ZFAT: variants seen among roughly 807,000 people sequenced by gnomAD.
ZFAT encodes the protein zinc finger protein ZFAT.
A neutral mutation model predicts 117.7 loss-of-function variants in ZFAT; 64 were observed. The observed-to-expected ratio is 0.54, with a 90% confidence interval of 0.44 to 0.67. ZFAT has a LOEUF of 0.67. Among genes scored for constraint, ZFAT ranks in the 30% least tolerant of loss-of-function variants. The pLI is 0.00. For missense variants in ZFAT, 1,433 were observed against 1,584.5 expected (o/e 0.90, Z 1.62); for synonymous variants, 679 against 615.0 (o/e 1.10, Z -1.54).
chr8:134,752,704 G>A, the ZFAT span, among the ~76,000 whole-genome samples: 3 of 152,260 alleles, frequency 2.0e-5, no homozygotes, highest in East Asian at 5.8e-4. Context: ...GATGTCTGGT[G>A]AGAACTCACT....
intron 3 of ZFAT, among the ~76,000 whole-genome samples, chr8:134,621,727 G>A (rs1222807419): frequency 6.6e-6 from 1 of 152,106 alleles, no homozygotes; most frequent in African/African-American, 2.4e-5. Context: ...AAGTGAATGA[G>A]CTCCCTGCCA....
At chr8:134,559,727 G>A (rs1475365441) in intron 11 of ZFAT, among the ~76,000 whole-genome samples, 1 of 152,140 alleles carries the variant, frequency 6.6e-6, no homozygotes, top group African/African-American at 2.4e-5. Context: ...AATCTGATAA[G>A]TGAAAAATGG....
chr8:134,590,703 C>T (rs997967519), intron 7 of ZFAT, among the ~76,000 whole-genome samples: 11 of 120,946 alleles, frequency 9.1e-5, no homozygotes, highest in South Asian at 3.3e-4. Context: ...AACAACACCA[C>T]GACCACCATC....
chr8:134,533,052 C>G, intron 11 of ZFAT, 80 bp from the exon 12 acceptor site: 2 of 1,526,488 alleles, frequency 1.3e-6, no homozygotes, highest in Non-Finnish European at 1.8e-6. Flanking sequence ...TGGTGAGCAT[C>G]TGACACCCTG....
chr8:134,702,929 C>T (rs568043710), intron 1 of ZFAT, among the ~76,000 whole-genome samples: 28 of 152,302 alleles, frequency 1.8e-4, no homozygotes, highest in African/African-American at 6.5e-4. Flanking sequence ...CCTCGGCCTC[C>T]CAAAGTGCTG....
chr8:134,776,450 G>A, the ZFAT span, among the ~76,000 whole-genome samples: 8 of 152,062 alleles, frequency 5.3e-5, no homozygotes, highest in South Asian at 2.1e-4. Flanking sequence ...CCACAGGCAC[G>A]CACCACCACA....
rs10680896 is a variant in ZFAT at position 134,550,310 on chromosome 8, G to GAAAAAAAAAAAAAAA, written c.2976+15008_2976+15022dup. 1.2e-3 allele frequency among the ~76,000 whole-genome samples: 88 copies of GAAAAAAAAAAAAAAA among 72,526 alleles called. 2 individuals are homozygous for GAAAAAAAAAAAAAAA. The highest frequency in any genetic ancestry group is 2.0e-3 in the South Asian group (3 of 1,532). 47.6% of individuals were successfully genotyped at this position (72,526 alleles called of 152,430 possible). A position where few individuals can be genotyped will look rare whatever the true frequency, so the allele number is the denominator to read the frequency against. ...ATTCCATCCAGGGTTGGTCACAACG[G>GAAAAAAAAAAAAAAA]AAAAAAAAAAAAAAAAAAAAAACAG... On this transcript the variant is annotated intron_variant, in intron 11 of 15. Coordinates refer to ENST00000377838, the MANE Select transcript of ZFAT (RefSeq NM_020863.4).
chr8:134,724,918 A>C, the ZFAT span, among the ~76,000 whole-genome samples: 1 of 152,164 alleles, frequency 6.6e-6, no homozygotes, highest in Non-Finnish European at 1.5e-5. Context: ...AGTCCTTGGC[A>C]ACCAAGCTCA....
the ZFAT span, among the ~76,000 whole-genome samples, chr8:134,810,196 C>T: frequency 7.2e-4 from 110 of 152,242 alleles, no homozygotes; most frequent in Non-Finnish European, 1.2e-3. Flanking sequence ...ACTATATAAA[C>T]GCAACCTACG....
At chr8:134,503,367 C>T (rs1392211598) in intron 15 of ZFAT, among the ~76,000 whole-genome samples, 1 of 152,238 alleles carries the variant, frequency 6.6e-6, no homozygotes, top group Non-Finnish European at 1.5e-5. Flanking sequence ...ACCATGAAAT[C>T]TGTCCACCAA....
intron 2 of ZFAT, among the ~76,000 whole-genome samples, chr8:134,654,300 CA>C (rs543431999): frequency 0.039 from 5,413 of 140,116 alleles, 153 homozygotes; most frequent in African/African-American, 0.081. Context: ...TTGTCAAAGT[CA>C]AAAAAAAAAA....
chr8:134,678,885 T>C lies in ZFAT; in HGVS notation c.20-21148A>G, dbSNP rs917712362. Among the ~76,000 whole-genome samples the C allele has an allele frequency of 2.0e-5, 3 of 152,186 alleles. No homozygotes were observed. In the East Asian group the frequency reaches 5.8e-4, roughly 29 times the overall value. On this transcript the variant is annotated intron_variant, in intron 1 of 15. Transcript: ENST00000377838. ...TGGTGCTGGGAAAACTGGCTAGCCATATGCAGAAAGCTGAAACTGGATCCC... is the reference window on the plus strand; with the variant it reads ...TGGTGCTGGGAAAACTGGCTAGCCACATGCAGAAAGCTGAAACTGGATCCC...
chr8:134,624,641 G>C (rs186733454), intron 3 of ZFAT, among the ~76,000 whole-genome samples: 134 of 151,960 alleles, frequency 8.8e-4, no homozygotes, highest in Admixed American at 1.9e-3. Flanking sequence ...TGGGCAACAA[G>C]AGCAAAACTC....
the ZFAT span, among the ~76,000 whole-genome samples, chr8:134,823,705 A>G: frequency 3.3e-5 from 5 of 152,242 alleles, no homozygotes; most frequent in African/African-American, 1.2e-4. Context: ...TTAATCGCAT[A>G]TGAAATATTA....
the ZFAT span, among the ~76,000 whole-genome samples, chr8:134,721,340 C>A: frequency 6.6e-6 from 1 of 152,222 alleles, no homozygotes; most frequent in Non-Finnish European, 1.5e-5. Context: ...AACTGCTGCA[C>A]CTGCCAGCCT....
intron 2 of ZFAT, among the ~76,000 whole-genome samples, chr8:134,648,886 G>C (rs1157943880): frequency 1.3e-5 from 2 of 151,900 alleles, no homozygotes; most frequent in African/African-American, 2.4e-5. Flanking sequence ...CAAAATACTA[G>C]GAAACTGAAT....
At chr8:134,496,936 C>T (rs561766932) in intron 15 of ZFAT, among the ~76,000 whole-genome samples, 1 of 152,390 alleles carries the variant, frequency 6.6e-6, no homozygotes, top group Admixed American at 6.5e-5. Flanking sequence ...ACCACCGGGT[C>T]TAACCTGATG....
intron 2 of ZFAT, among the ~76,000 whole-genome samples, chr8:134,656,620 G>C (rs1399547410): frequency 6.6e-6 from 1 of 152,174 alleles, no homozygotes; most frequent in Non-Finnish European, 1.5e-5. Context: ...CTTGTTAATG[G>C]TGTCCGACAG....
Position 134,637,719 on chromosome 8 carries a change from A to T in ZFAT, c.197-7T>A, listed in dbSNP as rs759133570. On this transcript the variant is annotated splice_region_variant and splice_polypyrimidine_tract_variant and intron_variant, in intron 2 of 15. Coordinates refer to ENST00000377838, the MANE Select transcript of ZFAT (RefSeq NM_020863.4). Reference sequence around the variant, plus strand: ...CTCTTCATGACCAAAAACTCTACAGAGGAAACAAGAGGGCACAATGGAATC... The same window carrying T: ...CTCTTCATGACCAAAAACTCTACAGTGGAAACAAGAGGGCACAATGGAATC... 10 of 1,611,052 alleles carry T rather than the reference A, an allele frequency of 6.2e-6. No homozygotes were observed. The East Asian group carries it at 1.3e-4, about 22-fold the overall frequency.
Sources: gnomAD v4.1 joint callset for allele counts (sites outside exome capture counted in the v4.1 genomes callset) on GRCh38, gnomAD v4.1.1 for gene constraint, MANE v1.5 for transcripts, NCBI Gene and HGNC (gene_info 2026-07-23, HGNC 2026-07-21) for gene names.